PRKG1: variants seen among roughly 807,000 people sequenced by gnomAD.
The protein encoded by PRKG1 is cGMP-dependent protein kinase 1.
Under a neutral mutation model 88.1 loss-of-function variants are expected in PRKG1, and 35 were observed. The ratio of observed to expected loss-of-function variants is 0.40; its 90% confidence interval spans 0.30 to 0.53. The LOEUF (loss-of-function observed/expected upper bound fraction) is 0.53. Ranked by LOEUF, PRKG1 falls within the 20% of genes least tolerant of loss-of-function variation. The probability of loss-of-function intolerance (pLI) is 0.59; values close to 1 mark genes in which losing one functional copy is unlikely to be tolerated. For missense variants in PRKG1, 540 were observed against 839.8 expected (o/e 0.64, Z 4.41); for synonymous variants, 303 against 292.5 (o/e 1.04, Z -0.37).
intron 4 of PRKG1, among the ~76,000 whole-genome samples, chr10:51,875,398 C>T (rs141602703): frequency 1.4e-3 from 207 of 151,666 alleles, no homozygotes; most frequent in African/African-American, 4.9e-3. Context: ...AAAAAAACCA[C>T]CCCAGATTCC....
chr10:52,168,570 G>A (rs1279096519), intron 9 of PRKG1, among the ~76,000 whole-genome samples: 3 of 152,092 alleles, frequency 2.0e-5, no homozygotes, highest in Non-Finnish European at 4.4e-5. Context: ...CAAATGAGAC[G>A]AGTTGGTTTA....
chr10:51,939,348 T>C (rs1194159542), intron 5 of PRKG1, among the ~76,000 whole-genome samples: 2 of 152,068 alleles, frequency 1.3e-5, no homozygotes, highest in Non-Finnish European at 2.9e-5. Context: ...TTGTGATTGG[T>C]ACTGGATCCT....
intron 5 of PRKG1, among the ~76,000 whole-genome samples, chr10:52,027,455 G>A (rs971563830): frequency 1.5e-4 from 23 of 152,116 alleles, no homozygotes; most frequent in African/African-American, 5.6e-4. Flanking sequence ...CTCACCATGA[G>A]GCCTGGGATA....
intron 2 of PRKG1, among the ~76,000 whole-genome samples, chr10:51,321,630 C>T (rs1046933751): frequency 6.6e-6 from 1 of 151,788 alleles, no homozygotes; most frequent in Non-Finnish European, 1.5e-5. Context: ...AGGGTAGTAG[C>T]GGGGGGATGG....
intron 9 of PRKG1, among the ~76,000 whole-genome samples, chr10:52,212,138 C>T (rs963275979): frequency 7.2e-5 from 11 of 151,998 alleles, no homozygotes; most frequent in Non-Finnish European, 1.5e-4. Flanking sequence ...GCCACATGGT[C>T]GGATAACATT....
At chr10:51,588,389 G>T (rs944570944) in intron 3 of PRKG1, among the ~76,000 whole-genome samples, 1 of 152,038 alleles carries the variant, frequency 6.6e-6, no homozygotes, top group African/African-American at 2.4e-5. Context: ...AGTTTTAAAC[G>T]CAATTTCCTG....
intron 5 of PRKG1, among the ~76,000 whole-genome samples, chr10:51,950,879 G>T (rs942998443): frequency 2.0e-5 from 3 of 152,220 alleles, no homozygotes; most frequent in African/African-American, 7.2e-5. Flanking sequence ...CATGAGCAAG[G>T]CAGGGAGTTT....
At chr10:51,388,541 T>A (rs1012947561) in intron 2 of PRKG1, among the ~76,000 whole-genome samples, 14 of 152,210 alleles carry the variant, frequency 9.2e-5, no homozygotes, top group African/African-American at 3.1e-4. Flanking sequence ...ATCAGAAATC[T>A]GGAGGGAAAT....
chr10:51,760,473 T>G (rs867933853), intron 3 of PRKG1, among the ~76,000 whole-genome samples: 1 of 92,350 alleles, frequency 1.1e-5, no homozygotes, highest in African/African-American at 3.6e-5. Context: ...TGACTTTTCG[T>G]TTTTTTTTTT....
intron 9 of PRKG1, among the ~76,000 whole-genome samples, chr10:52,181,300 A>G (rs1436379131): frequency 6.6e-6 from 1 of 152,030 alleles, no homozygotes; most frequent in Non-Finnish European, 1.5e-5. Context: ...GGACATGAGA[A>G]CACAGCTGCT....
At chr10:52,005,602 T>C (rs908551387) in intron 5 of PRKG1, among the ~76,000 whole-genome samples, 2 of 152,138 alleles carry the variant, frequency 1.3e-5, no homozygotes, top group African/African-American at 4.8e-5. Flanking sequence ...GACAGTAACA[T>C]GGGCATTTCC....
chr10:51,782,156 C>T (rs1838606784), intron 3 of PRKG1, among the ~76,000 whole-genome samples: 1 of 152,052 alleles, frequency 6.6e-6, no homozygotes, highest in Admixed American at 6.6e-5. Context: ...ACTTTAAGCA[C>T]TTTTAAAGAA....
chr10:52,190,398 T>C (rs1026948573), intron 9 of PRKG1, among the ~76,000 whole-genome samples: 4 of 152,184 alleles, frequency 2.6e-5, no homozygotes, highest in African/African-American at 9.7e-5. Context: ...AAGGTTAAAA[T>C]TCTGTTAAAT....
At chr10:51,118,608 A>G (rs2131910860) in intron 1 of PRKG1, among the ~76,000 whole-genome samples, 1 of 152,254 alleles carries the variant, frequency 6.6e-6, no homozygotes, top group East Asian at 1.9e-4. Flanking sequence ...ACCATGAGAT[A>G]GGTATTCTTA....
At chr10:51,856,318 A>C (rs981860463) in intron 4 of PRKG1, among the ~76,000 whole-genome samples, 1 of 152,176 alleles carries the variant, frequency 6.6e-6, no homozygotes, top group Admixed American at 6.5e-5. Flanking sequence ...TATTCAGCCA[A>C]CTACCCCAGG....
chr10:52,280,491 G>A (rs1376628476), intron 12 of PRKG1, among the ~76,000 whole-genome samples: 1 of 151,994 alleles, frequency 6.6e-6, no homozygotes, highest in Admixed American at 6.6e-5. Flanking sequence ...CGATTGTAGT[G>A]GGCTGTTGAG....
At chr10:51,760,209 A>G (rs1173446138) in intron 3 of PRKG1, among the ~76,000 whole-genome samples, 1 of 152,108 alleles carries the variant, frequency 6.6e-6, no homozygotes, top group Non-Finnish European at 1.5e-5. Context: ...TCCAGTTTTG[A>G]CAGTTATTAT....
intron 2 of PRKG1, among the ~76,000 whole-genome samples, chr10:51,322,482 G>A (rs1477186626): frequency 6.6e-6 from 1 of 152,176 alleles, no homozygotes; most frequent in East Asian, 1.9e-4. Flanking sequence ...GCAATTGTGA[G>A]GCTCTCGTTT....
chr10:50,997,478 C>T (rs757928570), intron 1 of PRKG1, among the ~76,000 whole-genome samples: 5 of 152,148 alleles, frequency 3.3e-5, no homozygotes, highest in African/African-American at 7.2e-5. Context: ...TTCCTGACTA[C>T]GGTCCTGTTT....
Sources: allele counts gnomAD v4.1 joint callset (sites outside exome capture counted in the v4.1 genomes callset), GRCh38; gene constraint gnomAD v4.1.1; transcripts MANE v1.5; gene names NCBI Gene and HGNC (gene_info 2026-07-23, HGNC 2026-07-21).